Variants in PRMT3 observed in about 807,000 individuals in gnomAD.
PRMT3 encodes the protein protein arginine methyltransferase 3, also known as protein arginine N-methyltransferase 3.
Under a neutral mutation model 71.9 loss-of-function variants are expected in PRMT3, and 62 were observed. The observed-to-expected ratio is 0.86, with a 90% CI of 0.70 to 1.07. The LOEUF (loss-of-function observed/expected upper bound fraction) is 1.07, where lower values mean the gene tolerates loss of function less well. PRMT3 is among the 50% of genes least tolerant of loss of function. The pLI is 0.00. For synonymous variants in PRMT3, 213 were observed against 220.4 expected, an observed-to-expected ratio of 0.97 and a Z score of 0.30; for missense variants, 663 against 643.0, an observed-to-expected ratio of 1.03 and a Z score of -0.34.
At chr11:20,450,656 G>A (rs1850127509) in intron 10 of PRMT3, among the ~76,000 whole-genome samples, 1 of 152,092 alleles carries the variant, frequency 6.6e-6, no homozygotes, top group South Asian at 2.1e-4. Flanking sequence ...TGAGCTGGGG[G>A]GAATAGGTCA....
At chr11:20,455,647 G>A (rs1850251322) in intron 11 of PRMT3, among the ~76,000 whole-genome samples, 1 of 151,828 alleles carries the variant, frequency 6.6e-6, no homozygotes. Context: ...CTGAAAAATA[G>A]AAGGGTGCAG....
At chr11:20,390,732 C>T (rs1293797434) in intron 3 of PRMT3, among the ~76,000 whole-genome samples, 2 of 152,216 alleles carry the variant, frequency 1.3e-5, no homozygotes, top group Non-Finnish European at 2.9e-5. Flanking sequence ...GTGATTCCAA[C>T]ACTTTGGGAG....
chr11:20,419,845 C>G (rs1336642480), intron 9 of PRMT3, among the ~76,000 whole-genome samples: 1 of 152,144 alleles, frequency 6.6e-6, no homozygotes, highest in Admixed American at 6.5e-5. Flanking sequence ...GTCACTCATT[C>G]ATGAATGCAA....
At chr11:20,436,454 A>G (rs952337733) in intron 10 of PRMT3, among the ~76,000 whole-genome samples, 6 of 152,156 alleles carry the variant, frequency 3.9e-5, no homozygotes, top group African/African-American at 1.4e-4. Flanking sequence ...TGTGTTAGGT[A>G]CGTTCCTTCT....
At chr11:20,504,699 TGTGTGTGTGA>T (rs1851538878) in intron 15 of PRMT3, among the ~76,000 whole-genome samples, 3 of 127,068 alleles carry the variant, frequency 2.4e-5, no homozygotes, top group Middle Eastern at 4.0e-3. Context: ...TGTGTGTGTG[TGTGTGTGTGA>T]GAGAGAGAGA....
chr11:20,430,216 T>C (rs887739421), intron 10 of PRMT3, among the ~76,000 whole-genome samples: 2 of 152,172 alleles, frequency 1.3e-5, no homozygotes, highest in Non-Finnish European at 2.9e-5. Context: ...TTAAGCATTT[T>C]TTTTCTCTTT....
At chr11:20,476,130 A>G (rs888757561) in intron 13 of PRMT3, among the ~76,000 whole-genome samples, 8 of 151,738 alleles carry the variant, frequency 5.3e-5, no homozygotes, top group African/African-American at 1.9e-4. Flanking sequence ...CGAGTGGATC[A>G]CCTCAGGTCA....
At chr11:20,397,892 G>C (rs991913218) in intron 7 of PRMT3, among the ~76,000 whole-genome samples, 171 bp downstream of exon 7, 2 of 151,342 alleles carry the variant, frequency 1.3e-5, no homozygotes, top group Non-Finnish European at 2.9e-5. Context: ...AATATTACAA[G>C]ACTGGGCACG....
rs1474885107 is a variant in PRMT3, at chr11:20,404,224, T to G, written c.771+1240T>G. 1.6e-4 allele frequency among the ~76,000 whole-genome samples: 15 copies of G among 95,180 alleles called. 1 individual carries two copies. Among genetic ancestry groups the G allele is most frequent in the African/African-American group, 3.1e-4 (7 of 22,700 alleles). 62.4% of individuals were successfully genotyped at this position (95,180 alleles called of 152,430 possible). On this transcript the variant is annotated intron_variant, in intron 8 of 15. Coordinates refer to ENST00000331079, the MANE Select transcript of PRMT3 (RefSeq NM_005788.4). Reference sequence around the variant, plus strand: ...AGACTTTTCATAGTTTTTTTTTTTTTTTTTTTTTTTTTTTTTTTTTTTTTT... The same window carrying G: ...AGACTTTTCATAGTTTTTTTTTTTTGTTTTTTTTTTTTTTTTTTTTTTTTT...
Position 20,427,891 on chromosome 11 carries a change from T to G in PRMT3, c.993+1026T>G, listed in dbSNP as rs376527056. The stretch of plus-strand genomic sequence containing the variant: ...ATTTTCATAAAATTTATCAAAAAAT[T>G]TTGAAAACATTGAGTTTTGCTTTAT... On this transcript the variant is annotated intron_variant, in intron 10 of 15. Coordinates refer to ENST00000331079, the MANE Select transcript of PRMT3 (RefSeq NM_005788.4). Among the ~76,000 whole-genome samples the G allele has an allele frequency of 7.5e-4, 114 of 152,282 alleles. 1 individual carries two copies. In the South Asian group the frequency reaches 0.012, roughly 17 times the overall value.
At chr11:20,388,190 G>A (rs1003585440) in intron 2 of PRMT3, 36 bp downstream of exon 2, 2 of 1,610,910 alleles carry the variant, frequency 1.2e-6, no homozygotes, top group African/African-American at 2.7e-5. Context: ...CTGCCCTAGG[G>A]TGCCCGGGCG....
rs567950573 is a variant in PRMT3, at chr11:20,493,909, T to A, written c.1348-10T>A. 187 of 1,561,158 alleles carry A rather than the reference T, an allele frequency of 1.2e-4. No homozygotes were observed. The East Asian group carries it at 1.5e-3, about 13-fold the overall frequency. On this transcript the variant is annotated splice_polypyrimidine_tract_variant and intron_variant, in intron 13 of 15. Coordinates refer to ENST00000331079, the MANE Select transcript of PRMT3 (RefSeq NM_005788.4). ...TAGTAAGCATTTATATTTCTTTTTT[T>A]AAAAAACAGGCAATTGCTGGCTACT... is the stretch of plus-strand genomic sequence containing the variant.
chr11:20,487,849 A>C (rs1228889743), intron 13 of PRMT3, among the ~76,000 whole-genome samples: 1 of 152,200 alleles, frequency 6.6e-6, no homozygotes, highest in Non-Finnish European at 1.5e-5. Flanking sequence ...TTAATAAGCA[A>C]TTTTGAAATT....
intron 8 of PRMT3, 134 bp downstream of exon 8, chr11:20,403,118 C>A (rs1848986184): frequency 4.4e-6 from 3 of 679,136 alleles, no homozygotes; most frequent in Non-Finnish European, 7.6e-6. Context: ...ATTTATGATG[C>A]TGCTCTGTGG....
rs191424913 is a variant in PRMT3, at chr11:20,509,198, C to A, written c.*785C>A. 9.2e-5 allele frequency: 14 copies of A among 152,120 alleles called. No individual in the cohort carries two copies. The highest frequency in any genetic ancestry group is 3.4e-4 in the African/African-American group (14 of 41,436). The allele number at this position is 152,120 out of a possible 1,614,324, so 9.4% of individuals were successfully genotyped here. On this transcript the variant is annotated 3_prime_UTR_variant, in exon 16 of 16. Transcript: ENST00000331079. ...GGTTAAACATGTAACTGTTACTAAG[C>A]AGTCTATAAAGTTGTCATTTACAAT...
intron 9 of PRMT3, among the ~76,000 whole-genome samples, chr11:20,415,868 G>A (rs370662103): frequency 3.3e-5 from 5 of 152,246 alleles, no homozygotes; most frequent in African/African-American, 9.6e-5. Flanking sequence ...GTTTGATCAA[G>A]AATCATTGCC....
intron 10 of PRMT3, among the ~76,000 whole-genome samples, chr11:20,441,598 C>T (rs946698118): frequency 4.0e-5 from 6 of 151,818 alleles, no homozygotes; most frequent in African/African-American, 7.3e-5. Flanking sequence ...TGAGCCACCG[C>T]GCCCAGCCTG....
chr11:20,405,502 T>A (rs947853924), intron 8 of PRMT3: 12 of 152,192 alleles, frequency 7.9e-5, no homozygotes, highest in African/African-American at 2.9e-4. Flanking sequence ...AAGGTTAACC[T>A]GTGTTTGAAT....
rs1848624706 is a variant in PRMT3, at chr11:20,387,720, A to G, written c.-27A>G. The G allele has an allele frequency of 1.3e-6, 2 of 1,520,896 alleles. No individual in the cohort carries two copies. The highest frequency in any genetic ancestry group is 1.2e-5 in the South Asian group (1 of 82,460). The allele number at this position is 1,520,896 out of a possible 1,614,324, so 94.2% of individuals were successfully genotyped here. A position where few individuals can be genotyped will look rare whatever the true frequency, so the allele number is the denominator to read the frequency against. Reference sequence around the variant, plus strand: ...CCCAACCCGGTCCCCGCCCCCAGACACGCCGGGCTCTCGGGGCACCACAGC... The same window carrying G: ...CCCAACCCGGTCCCCGCCCCCAGACGCGCCGGGCTCTCGGGGCACCACAGC... On this transcript the variant is annotated 5_prime_UTR_variant, in exon 1 of 16. Transcript: ENST00000331079. This position sits in a 1 kb window ranked among gnomAD's most constrained non-coding sequence, Gnocchi z 4.3.
Sources: gnomAD v4.1 joint callset for allele counts (sites outside exome capture counted in the v4.1 genomes callset) on GRCh38, gnomAD v4.1.1 for gene constraint, Gnocchi (gnomAD v3.1) non-coding constraint, MANE v1.5 for transcripts, NCBI Gene and HGNC (gene_info 2026-07-23, HGNC 2026-07-21) for gene names.